MAPK10: variants seen among roughly 807,000 people sequenced by gnomAD.
MAPK10 encodes the protein mitogen-activated protein kinase 10, also known as JNK3 alpha protein kinase.
MAPK10 carries 25 observed loss-of-function variants against 59.3 expected under a neutral mutation model. The ratio of observed to expected loss-of-function variants is 0.42; its 90% confidence interval spans 0.31 to 0.59. MAPK10 has a LOEUF of 0.59. Among genes scored for constraint, MAPK10 ranks in the 20% least tolerant of loss-of-function variants. The pLI, the probability that MAPK10 is intolerant of heterozygous loss-of-function variation, is 0.15. For missense variants in MAPK10, 351 were observed against 568.9 expected (o/e 0.62, Z 3.90); for synonymous variants, 190 against 200.5 (o/e 0.95, Z 0.44).
Position 86,298,629 on chromosome 4 carries a change from A to G in MAPK10, c.-7+55901T>C, listed in dbSNP as rs2095413130. Reference sequence around the variant, plus strand: ...CTCACAGCATCTCAGTGCCAGGCATATAGTAGACACTTAATATTGGTTGCC... The same window carrying G: ...CTCACAGCATCTCAGTGCCAGGCATGTAGTAGACACTTAATATTGGTTGCC... On this transcript the variant is annotated intron_variant, in intron 2 of 13. Transcript: ENST00000641462. Among the ~76,000 whole-genome samples, 5 of 152,374 alleles carry G rather than the reference A, an allele frequency of 3.3e-5. No homozygotes were observed. In the South Asian group the frequency reaches 1.0e-3, roughly 32 times the overall value.
At chr4:86,519,903 A>G (rs4693774) in intron 1 of MAPK10, among the ~76,000 whole-genome samples, 149,840 of 152,286 alleles carry the variant, frequency 0.98, 73,768 homozygotes, top group East Asian at 1. Flanking sequence ...CAAAATTCCT[A>G]GCTAATAATT....
intron 2 of MAPK10, among the ~76,000 whole-genome samples, chr4:86,339,327 A>G (rs1723505713): frequency 6.6e-6 from 1 of 152,208 alleles, no homozygotes; most frequent in African/African-American, 2.4e-5. Flanking sequence ...CCTCAAGATA[A>G]AACGAGCTTT....
intron 1 of MAPK10, among the ~76,000 whole-genome samples, chr4:86,446,753 T>G (rs2149051636): frequency 6.6e-6 from 1 of 152,268 alleles, no homozygotes; most frequent in African/African-American, 2.4e-5. Context: ...ACTTTTAAAT[T>G]TAGGGGTGTG....
At chr4:86,446,020 G>C (rs936131137) in intron 1 of MAPK10, among the ~76,000 whole-genome samples, 4 of 152,092 alleles carry the variant, frequency 2.6e-5, no homozygotes, top group African/African-American at 7.2e-5. Flanking sequence ...ATAACAGTTT[G>C]TTCAAAATAA....
intron 1 of MAPK10, among the ~76,000 whole-genome samples, chr4:86,534,070 G>A (rs1015507648): frequency 6.6e-5 from 10 of 151,954 alleles, no homozygotes; most frequent in Non-Finnish European, 4.4e-5. Context: ...AGCTCTCAAG[G>A]CTCTTCATTA....
At position 86,547,061 on chromosome 4, in the gene MAPK10, A is replaced by C. The variant is rs150804618; in HGVS notation, c.-263+46849T>G. On this transcript the variant is annotated intron_variant, in intron 1 of 4. Transcript: ENST00000502302. ...AGCGAGACTCCGTCTAAAAACAAACAAAAAAAAAGTGCTAAAGGGAAAGGC... is the reference window on the plus strand; with the variant it reads ...AGCGAGACTCCGTCTAAAAACAAACCAAAAAAAAGTGCTAAAGGGAAAGGC... 1.7e-3 allele frequency among the ~76,000 whole-genome samples: 252 copies of C among 151,790 alleles called. 4 individuals carry two copies. Among genetic ancestry groups the C allele is most frequent in the African/African-American group, 5.7e-3 (235 of 41,452 alleles).
chr4:86,412,196 A>G (rs564369894), intron 1 of MAPK10, among the ~76,000 whole-genome samples: 41 of 152,162 alleles, frequency 2.7e-4, no homozygotes, highest in Non-Finnish European at 4.9e-4. Context: ...TGGGTTGAAA[A>G]TTCTTTCCTT....
intron 6 of MAPK10, chr4:86,102,243 G>T: frequency 2.3e-6 from 1 of 441,488 alleles, no homozygotes; most frequent in South Asian, 6.2e-5. Flanking sequence ...ATTTATTAAT[G>T]TCTGGTTCAT....
intron 1 of MAPK10, among the ~76,000 whole-genome samples, chr4:86,582,085 G>T (rs1329980324): frequency 6.6e-6 from 1 of 151,204 alleles, no homozygotes; most frequent in African/African-American, 2.4e-5. Context: ...TGAATCTACA[G>T]GCTTTTTTCT....
At chr4:86,507,615 GATATATATATATAT>G (rs767683551) in intron 1 of MAPK10, among the ~76,000 whole-genome samples, 708 of 35,596 alleles carry the variant, frequency 0.02, 19 homozygotes, top group East Asian at 0.055. Context: ...ATAAACTGGA[GATATATATATATAT>G]ATATATATAT....
At chr4:86,067,634 TCC>T in intron 10 of MAPK10, 137 bp downstream of exon 10, 2 of 699,302 alleles carry the variant, frequency 2.9e-6, no homozygotes, top group Non-Finnish European at 4.6e-6. Flanking sequence ...CCACCCTATA[TCC>T]CACAAAAATG....
intron 9 of MAPK10, chr4:86,082,166 A>G (rs1268158323): frequency 6.6e-6 from 1 of 152,208 alleles, no homozygotes; most frequent in African/African-American, 2.4e-5. Context: ...CAGAGATAGT[A>G]AAAAGAAATA....
At chr4:86,590,595 G>A (rs931803019) in intron 1 of MAPK10, among the ~76,000 whole-genome samples, 1 of 152,014 alleles carries the variant, frequency 6.6e-6, no homozygotes, top group Non-Finnish European at 1.5e-5. Context: ...ACTAATCTGG[G>A]CAACATAGCA....
At chr4:86,103,345 C>A in intron 5 of MAPK10, 101 bp from the exon 6 acceptor site, 2 of 670,338 alleles carry the variant, frequency 3.0e-6, no homozygotes, top group Admixed American at 2.4e-5. Context: ...CTCACTAGTG[C>A]TATGGCAGAA....
chr4:86,208,901 T>C (rs1044965807), intron 2 of MAPK10, among the ~76,000 whole-genome samples: 14 of 152,114 alleles, frequency 9.2e-5, no homozygotes, highest in African/African-American at 3.4e-4. Context: ...ATCAATAGTA[T>C]CTGATAATAC....
chr4:86,194,618 T>G (rs57237885), intron 2 of MAPK10, among the ~76,000 whole-genome samples: 4,535 of 152,198 alleles, frequency 0.03, 155 homozygotes, highest in African/African-American at 0.084. Context: ...TAATGATCAA[T>G]TCCATCACAC....
intron 3 of MAPK10, among the ~76,000 whole-genome samples, chr4:86,168,951 CAG>C (rs1393865665): frequency 1.3e-5 from 2 of 152,216 alleles, no homozygotes; most frequent in Admixed American, 1.3e-4. Context: ...CCCAGGCAAA[CAG>C]GGTCTGGAGT....
chr4:86,111,442 C>T (rs1273509484), intron 4 of MAPK10, among the ~76,000 whole-genome samples: 1 of 151,920 alleles, frequency 6.6e-6, no homozygotes, highest in Non-Finnish European at 1.5e-5. Context: ...TGAAATGATG[C>T]TAAATTTTAT....
intron 2 of MAPK10, among the ~76,000 whole-genome samples, chr4:86,204,969 TCAACACA>T (rs1240036906): frequency 6.6e-6 from 1 of 151,758 alleles, no homozygotes; most frequent in Non-Finnish European, 1.5e-5. Flanking sequence ...TAACAAGAAG[TCAACACA>T]AACAATTCTA....
Sources: allele counts gnomAD v4.1 joint callset (sites outside exome capture counted in the v4.1 genomes callset), GRCh38; gene constraint gnomAD v4.1.1; transcripts MANE v1.5; gene names NCBI Gene and HGNC (gene_info 2026-07-23, HGNC 2026-07-21).